The following GRIK2 variants were observed in gnomAD, a reference collection of about 807,000 sequenced individuals.
The protein encoded by GRIK2 is glutamate receptor ionotropic, kainate 2.
In GRIK2, 32 loss-of-function variants were observed where a neutral mutation model predicts 100.3. That is an observed-to-expected ratio of 0.32 (90% CI 0.24 to 0.43). The LOEUF (loss-of-function observed/expected upper bound fraction) is 0.43. GRIK2 is among the 20% of genes least tolerant of loss of function. GRIK2 has a pLI of 1.00. For missense variants in GRIK2, 843 were observed against 1,114.9 expected (o/e 0.76, Z 3.47); for synonymous variants, 417 against 389.4 (o/e 1.07, Z -0.83).
chr6:101,499,024 G>A (rs561484218), intron 2 of GRIK2, among the ~76,000 whole-genome samples: 9 of 152,222 alleles, frequency 5.9e-5, no homozygotes, highest in Admixed American at 3.3e-4. Flanking sequence ...AAGCAATGGG[G>A]AAAGGATTCC....
intron 14 of GRIK2, among the ~76,000 whole-genome samples, chr6:102,029,429 A>C (rs1046706239): frequency 1.3e-5 from 2 of 151,262 alleles, no homozygotes; most frequent in Non-Finnish European, 3.0e-5. Flanking sequence ...CAACATAGAA[A>C]TATTTGATTA....
intron 12 of GRIK2, among the ~76,000 whole-genome samples, chr6:101,892,088 C>T (rs1379026215): frequency 6.6e-6 from 1 of 151,978 alleles, no homozygotes; most frequent in Non-Finnish European, 1.5e-5. Flanking sequence ...TAACAAATTT[C>T]CCAGGAGGAT....
At chr6:101,786,106 T>C (rs2128404484) in intron 7 of GRIK2, among the ~76,000 whole-genome samples, 1 of 152,254 alleles carries the variant, frequency 6.6e-6, no homozygotes, top group South Asian at 2.1e-4. Flanking sequence ...CTTGATAGTT[T>C]GGCTGATTAG....
At chr6:101,573,759 A>ATACACACAGGGGCT (rs1417031697) in intron 2 of GRIK2, among the ~76,000 whole-genome samples, 3 of 152,118 alleles carry the variant, frequency 2.0e-5, no homozygotes. Flanking sequence ...GGCTCATGTA[A>ATACACACAGGGGCT]CCTGTAAATA....
chr6:101,732,564 A>G (rs900524524), intron 7 of GRIK2, among the ~76,000 whole-genome samples: 19 of 152,186 alleles, frequency 1.2e-4, no homozygotes, highest in African/African-American at 4.6e-4. Context: ...AAGGCAAAAG[A>G]TCAAATATAG....
intron 9 of GRIK2, among the ~76,000 whole-genome samples, chr6:101,807,185 G>C (rs1781058391): frequency 6.6e-6 from 1 of 151,884 alleles, no homozygotes; most frequent in African/African-American, 2.4e-5. Flanking sequence ...TGAGGACAGG[G>C]AAAGACAATA....
chr6:101,967,292 T>C (rs895170889), intron 14 of GRIK2, among the ~76,000 whole-genome samples: 44 of 152,054 alleles, frequency 2.9e-4, no homozygotes, highest in African/African-American at 1.0e-3. Context: ...ATAACTGTTT[T>C]TCTTCTTTAA....
At chr6:101,987,792 A>C (rs922827351) in intron 14 of GRIK2, among the ~76,000 whole-genome samples, 1 of 151,546 alleles carries the variant, frequency 6.6e-6, no homozygotes, top group Non-Finnish European at 1.5e-5. Flanking sequence ...CAACATAAAT[A>C]CAATTTCTAT....
Position 101,928,596 on chromosome 6 carries a change from A to G in GRIK2, c.2049A>G (p.Gly683=), listed in dbSNP as rs776441744. The G allele has an allele frequency of 2.1e-5, 33 of 1,600,746 alleles. No individual in the cohort carries two copies. The highest frequency in any genetic ancestry group is 7.7e-5 in the South Asian group (7 of 90,826). The part of the protein sequence containing the change: ...DLAKQTKIEY[G]AVEDGATMTF... ...CTAAACAAACCAAGATAGAATATGG[A>G]GCAGTAGAGGATGGTGCAACCATGA... Residue 683 remains glycine, a synonymous_variant, in exon 14 of 17, where the codon GGA becomes GGG. Coordinates refer to ENST00000369134, the MANE Select transcript of GRIK2 (RefSeq NM_021956.5).
intron 2 of GRIK2, among the ~76,000 whole-genome samples, chr6:101,423,297 T>C (rs1776509579): frequency 6.6e-6 from 1 of 152,168 alleles, no homozygotes; most frequent in Non-Finnish European, 1.5e-5. Flanking sequence ...ATTTTATTCA[T>C]GTGAGTAGGG....
chr6:101,491,729 A>G (rs1028603105), intron 2 of GRIK2, among the ~76,000 whole-genome samples: 1 of 151,960 alleles, frequency 6.6e-6, no homozygotes, highest in African/African-American at 2.4e-5. Flanking sequence ...TACATACTAT[A>G]CTATTATCTT....
At chr6:101,906,137 T>C (rs1280797559) in intron 12 of GRIK2, among the ~76,000 whole-genome samples, 1 of 151,708 alleles carries the variant, frequency 6.6e-6, no homozygotes, top group Non-Finnish European at 1.5e-5. Context: ...CTACTTCTTT[T>C]GGAATACATG....
intron 7 of GRIK2, among the ~76,000 whole-genome samples, chr6:101,703,031 T>C (rs1036291393): frequency 3.9e-5 from 6 of 151,946 alleles, no homozygotes; most frequent in Non-Finnish European, 7.4e-5. Flanking sequence ...AGTGTATTAT[T>C]TGAGCCTCTA....
At chr6:101,644,338 A>C (rs1781422665) in intron 4 of GRIK2, among the ~76,000 whole-genome samples, 1 of 151,758 alleles carries the variant, frequency 6.6e-6, no homozygotes, top group African/African-American at 2.4e-5. Flanking sequence ...GCAAGTGTAC[A>C]GAGCTGTGAA....
intron 2 of GRIK2, among the ~76,000 whole-genome samples, chr6:101,424,475 C>T (rs904739599): frequency 6.6e-6 from 1 of 151,462 alleles, no homozygotes; most frequent in Non-Finnish European, 1.5e-5. Flanking sequence ...CAGCTTCATC[C>T]ATGTCCCTAC....
In GRIK2 at chr6:101,467,979, G is replaced by A. The variant is rs534031520; in HGVS notation, c.115+68587G>A. 8.1e-4 allele frequency among the ~76,000 whole-genome samples: 122 copies of A among 150,862 alleles called. No individual in the cohort carries two copies. The Middle Eastern group carries it at 0.01, about 13-fold the overall frequency. The stretch of plus-strand genomic sequence containing the variant: ...GATGTAGGAGTGTCTCTCAGGGCAC[G>A]AGAAGAGAGCCACTTCAAGTCTGCC... On this transcript the variant is annotated intron_variant, in intron 2 of 16. Coordinates refer to ENST00000369134, the MANE Select transcript of GRIK2 (RefSeq NM_021956.5).
chr6:101,890,160 C>T (rs950351925), intron 12 of GRIK2: 2 of 226,696 alleles, frequency 8.8e-6, no homozygotes, highest in Non-Finnish European at 1.7e-5. Context: ...TGCCTCACTT[C>T]GAAGATTTCT....
At chr6:101,658,123 G>A (rs994403751) in intron 4 of GRIK2, among the ~76,000 whole-genome samples, 7 of 151,966 alleles carry the variant, frequency 4.6e-5, no homozygotes, top group East Asian at 3.9e-4. Flanking sequence ...TGTTAAATAG[G>A]TATACACAAG....
At chr6:101,679,497 T>C (rs1435537093) in intron 5 of GRIK2, among the ~76,000 whole-genome samples, 2 of 152,188 alleles carry the variant, frequency 1.3e-5, no homozygotes, top group African/African-American at 4.8e-5. Context: ...ATTATATTAT[T>C]TGTGCATAAA....
Sources: allele counts gnomAD v4.1 joint callset (sites outside exome capture counted in the v4.1 genomes callset), GRCh38; gene constraint gnomAD v4.1.1; transcripts MANE v1.5; gene names NCBI Gene and HGNC (gene_info 2026-07-23, HGNC 2026-07-21).